Variants in ZNF668 observed in about 807,000 individuals in gnomAD.
ZNF668 encodes the protein zinc finger protein 668.
In ZNF668, 10 loss-of-function variants were observed where a neutral mutation model predicts 40.3. The ratio of observed to expected loss-of-function variants is 0.25; its 90% CI spans 0.15 to 0.42. ZNF668 has a LOEUF of 0.42. ZNF668 is among the 10% of genes least tolerant of loss of function. The pLI, the probability that ZNF668 is intolerant of heterozygous loss-of-function variation, is 1.00. For synonymous variants in ZNF668, 428 were observed against 384.6 expected, an observed-to-expected ratio of 1.11 and a Z score of -1.32; for missense variants, 749 against 904.6, an observed-to-expected ratio of 0.83 and a Z score of 2.21.
rs2056926801 is a variant in ZNF668 at position 31,061,670 on chromosome 16, C to T, written c.1258G>A (p.Ala420Thr). Reference protein sequence around the residue: ...HERTHRSSEAAGVPPAQELVV... With the variant: ...HERTHRSSEATGVPPAQELVV... ...AGCTCCTGTGCAGGGGGCACACCCG[C>T]GGCCTCACTGCTTCGATGGGTCCGC... Residue 420 changes from alanine (A) to threonine (T), a missense_variant, in exon 3 of 3, where the codon GCG becomes ACG. Coordinates refer to ENST00000300849, the MANE Select transcript of ZNF668 (RefSeq NM_024706.5). This position sits in a 1 kb window ranked among gnomAD's most constrained non-coding sequence, Gnocchi z 7.7. 2 of 1,613,318 alleles carry T rather than the reference C, an allele frequency of 1.2e-6. No homozygotes were observed. The highest frequency in any genetic ancestry group is 1.7e-6 in the Non-Finnish European group (2 of 1,179,908).
intron 2 of ZNF668, 111 bp downstream of exon 2, chr16:31,063,700 GCC>G: frequency 8.1e-7 from 1 of 1,232,970 alleles, no homozygotes; most frequent in Non-Finnish European, 1.1e-6. Flanking sequence ...GATCTGCCAT[GCC>G]CACCTTCCCA....
chr16:31,069,695 TTATC>T (rs1390014705), intron 1 of ZNF668, among the ~76,000 whole-genome samples: 1 of 152,076 alleles, frequency 6.6e-6, no homozygotes, highest in African/African-American at 2.4e-5. Flanking sequence ...AATCTCATGA[TTATC>T]TATCAAGCAG....
intron 1 of ZNF668, 93 bp from the exon 2 acceptor site, chr16:31,064,574 C>T (rs1350046382): frequency 4.5e-6 from 7 of 1,568,154 alleles, no homozygotes; most frequent in Middle Eastern, 3.3e-4. Flanking sequence ...TTTCTCACCT[C>T]GGAACCCACA....
At position 31,061,420 on chromosome 16, in the gene ZNF668, T is replaced by C. The variant is rs1301253874; in HGVS notation, c.1508A>G (p.Glu503Gly). 2 of 1,613,872 alleles carry C rather than the reference T, an allele frequency of 1.2e-6. No homozygotes were observed. The highest frequency in any genetic ancestry group is 2.2e-5 in the South Asian group (2 of 91,082). ...EAPGPLEGAGEAGGEEADEKP... is the reference protein window; with the variant it reads ...EAPGPLEGAGGAGGEEADEKP... ...CTCGTCAGCCTCCTCACCCCCCGCC[T>C]CGCCTGCCCCTTCCAAGGGACCAGG... The change falls in exon 3 of 3, where the codon GAG becomes GGG. Residue 503 changes from glutamate (E) to glycine (G), a missense_variant. Coordinates refer to ENST00000300849, the MANE Select transcript of ZNF668 (RefSeq NM_024706.5). This position sits in a 1 kb window ranked among gnomAD's most constrained non-coding sequence, Gnocchi z 7.7.
intron 1 of ZNF668, 163 bp downstream of exon 1, chr16:31,073,496 C>G (rs1046389115): frequency 6.6e-6 from 1 of 152,122 alleles, no homozygotes; most frequent in Non-Finnish European, 1.5e-5. Context: ...CCTGCTGGGC[C>G]CGCAATGCGC....
chr16:31,070,151 C>T (rs922536379), intron 1 of ZNF668, among the ~76,000 whole-genome samples: 12 of 152,034 alleles, frequency 7.9e-5, no homozygotes, highest in Admixed American at 7.2e-4. Context: ...ATCTATTGAC[C>T]TCGTGATCCG....
At chr16:31,067,682 C>G (rs4889532) in intron 1 of ZNF668, among the ~76,000 whole-genome samples, 149,820 of 152,256 alleles carry the variant, frequency 0.98, 73,759 homozygotes, top group East Asian at 1. Context: ...ATGTCTTATA[C>G]CTTTCTGAGA....
In ZNF668 at chr16:31,061,863, C is replaced by A. The variant is rs764641491; in HGVS notation, c.1065G>T (p.Ala355=). The stretch of plus-strand genomic sequence containing the variant: ...AGGGCCGCTGGCCAGAGTGCACCAG[C>A]GCGTGCCGCTTGAGGTCCCAGGACG... ...FVASWDLKRH[A]LVHSGQRPFR... Residue 355 remains alanine (A), a synonymous_variant, in exon 3 of 3, where the codon GCG becomes GCT. Coordinates refer to ENST00000300849, the MANE Select transcript of ZNF668 (RefSeq NM_024706.5). This position sits in a 1 kb window ranked among gnomAD's most constrained non-coding sequence, Gnocchi z 7.7. 2 of 1,612,862 alleles carry A rather than the reference C, an allele frequency of 1.2e-6. No individual in the cohort carries two copies. The highest frequency in any genetic ancestry group is 1.7e-6 in the Non-Finnish European group (2 of 1,179,586).
intron 1 of ZNF668, 176 bp downstream of exon 1, chr16:31,073,483 G>C (rs1361793127): frequency 6.6e-6 from 1 of 152,144 alleles, no homozygotes; most frequent in Non-Finnish European, 1.5e-5. Context: ...GCGGGTTCTA[G>C]GACCTGCTGG....
chr16:31,063,803 G>A lies in ZNF668; in HGVS notation c.647+10C>T. 6.5e-7 allele frequency: 1 copy of A among 1,549,364 alleles called. No individual in the cohort carries two copies. Among genetic ancestry groups the A allele is most frequent in the African/African-American group, 1.4e-5 (1 of 73,578 alleles). ...CCCGGAAGGCGCCCTGCCCCGGAAG[G>A]CACCCTCACCGCTCATGGTTGCGGA... is the stretch of plus-strand genomic sequence containing the variant. On this transcript the variant is annotated intron_variant, in intron 2 of 2. Coordinates refer to ENST00000300849, the MANE Select transcript of ZNF668 (RefSeq NM_024706.5).
intron 1 of ZNF668, among the ~76,000 whole-genome samples, chr16:31,066,804 A>G (rs2056984374): frequency 6.6e-6 from 1 of 152,156 alleles, no homozygotes; most frequent in Non-Finnish European, 1.5e-5. Flanking sequence ...TACAGTTTCC[A>G]AGGGATCCCT....
At chr16:31,064,959 G>A in intron 1 of ZNF668, 2 of 1,290,144 alleles carry the variant, frequency 1.6e-6, no homozygotes, top group Non-Finnish European at 9.9e-7. Flanking sequence ...GGCACTGTCT[G>A]GAAGTGACAG....
chr16:31,068,239 A>AAAAAAATATATAT (rs1473353128), intron 1 of ZNF668, among the ~76,000 whole-genome samples: 4 of 83,008 alleles, frequency 4.8e-5, no homozygotes, highest in African/African-American at 2.0e-4. Flanking sequence ...AAAAAAAAAA[A>AAAAAAATATATAT]ATATATATAT....
intron 1 of ZNF668, among the ~76,000 whole-genome samples, chr16:31,068,488 C>T (rs1251016129): frequency 2.7e-5 from 4 of 148,860 alleles, no homozygotes; most frequent in Non-Finnish European, 5.9e-5. Flanking sequence ...TCCCAAAGTG[C>T]TGGGATTACA....
rs17851949 is a variant in ZNF668 at position 31,062,017 on chromosome 16, C to T, written c.911G>A (p.Gly304Glu). ...SFRRHQRAHE[G>E]VKPYHCEKCG... ...CTTCTCGCAGTGGTATGGCTTCACC[C>T]CTTCATGGGCGCGCTGGTGGCGACG... The change falls in exon 3 of 3, where the codon GGG becomes GAG. Residue 304 changes from glycine (G) to glutamate (E), a missense_variant. By Grantham distance (98) the Gly-to-Glu change is moderately conservative (BLOSUM62 -2). Coordinates refer to ENST00000300849, the MANE Select transcript of ZNF668 (RefSeq NM_024706.5). The T allele has an allele frequency of 1.2e-6, 2 of 1,613,776 alleles. No homozygotes were observed. The highest frequency in any genetic ancestry group is 1.7e-6 in the Non-Finnish European group (2 of 1,179,862).
In ZNF668 at chr16:31,064,472, C is replaced by T. The variant is rs576571651; in HGVS notation, c.-13G>A. On this transcript the variant is annotated 5_prime_UTR_variant, in exon 2 of 3. Transcript: ENST00000300849. ...CCTCCACTTCCATGGCCTTGGTGAACGGGGTTTCTCTGCAAGAGAAGCAAA... is the reference window on the plus strand; with the variant it reads ...CCTCCACTTCCATGGCCTTGGTGAATGGGGTTTCTCTGCAAGAGAAGCAAA... The T allele has an allele frequency of 7.2e-5, 115 of 1,607,026 alleles. No individual in the cohort carries two copies. The highest frequency in any genetic ancestry group is 1.3e-5 in the African/African-American group (1 of 75,038).
In ZNF668 at chr16:31,061,255, C is replaced by T. The variant is rs1213563779; in HGVS notation, c.1673G>A (p.Gly558Glu). ...QCGKSFSDRA[G>E]LRKHSRTHSS... ...GTGAGTGCGGCTGTGTTTGCGCAGC[C>T]CAGCCCGGTCAGAGAAGCTCTTGCC... is the stretch of plus-strand genomic sequence containing the variant. Residue 558 changes from glycine (G) to glutamate (E), a missense_variant, in exon 3 of 3, where the codon GGG (glycine) becomes GAG (glutamate). Physicochemically the swap from Gly to Glu is moderately conservative, Grantham distance 98. Coordinates refer to ENST00000300849, the MANE Select transcript of ZNF668 (RefSeq NM_024706.5). This position sits in a 1 kb window ranked among gnomAD's most constrained non-coding sequence, Gnocchi z 7.7. The T allele has an allele frequency of 1.9e-6, 3 of 1,547,812 alleles. No homozygotes were observed. In the African/African-American group the frequency reaches 4.1e-5, roughly 21 times the overall value.
chr16:31,061,528 C>T lies in ZNF668; in HGVS notation c.1400G>A (p.Gly467Asp). The T allele has an allele frequency of 2.5e-6, 4 of 1,611,948 alleles. No individual in the cohort carries two copies. Among genetic ancestry groups the T allele is most frequent in the Non-Finnish European group, 3.4e-6 (4 of 1,179,950 alleles). The change falls in exon 3 of 3, where the codon GGT becomes GAT. Residue 467 changes from glycine (G) to aspartate (D), a missense_variant. This residue lies in a region of ZNF668 where 310 missense variants were observed against 355.1 expected (regional missense o/e 0.87). Transcript: ENST00000300849. This position sits in a 1 kb window ranked among gnomAD's most constrained non-coding sequence, Gnocchi z 7.7. The part of the protein sequence containing the change: ...AGLLGLPPES[G>D]GVMATQWQVV... Reference sequence around the variant, plus strand: ...CTGCCACTGTGTGGCCATCACACCACCTGACTCCGGGGGCAGCCCTAGCAG... The same window carrying T: ...CTGCCACTGTGTGGCCATCACACCATCTGACTCCGGGGGCAGCCCTAGCAG...
At chr16:31,067,730 G>A (rs1054593267) in intron 1 of ZNF668, among the ~76,000 whole-genome samples, 5 of 152,244 alleles carry the variant, frequency 3.3e-5, no homozygotes, top group East Asian at 1.9e-4. Context: ...GGAATAAATC[G>A]AGGTTCCAAG....
Sources: gnomAD v4.1 joint callset for allele counts (sites outside exome capture counted in the v4.1 genomes callset) on GRCh38, gnomAD v4.1.1 for gene constraint, gnomAD v4.1.1 regional missense constraint, Gnocchi (gnomAD v3.1) non-coding constraint, MANE v1.5 for transcripts, NCBI Gene and HGNC (gene_info 2026-07-23, HGNC 2026-07-21) for gene names.